Variants in LOC128462377 observed in about 807,000 individuals in gnomAD.
At chr16:89,411,506 C>T in the LOC128462377 span, among the ~76,000 whole-genome samples, 1 of 152,142 alleles carries the variant, frequency 6.6e-6, no homozygotes, top group Admixed American at 6.5e-5. Flanking sequence ...CTCTGCCTCC[C>T]GAGCTCAAGA....
the LOC128462377 span, among the ~76,000 whole-genome samples, chr16:89,337,372 A>G: frequency 0.013 from 1,812 of 142,184 alleles, 36 homozygotes; most frequent in African/African-American, 0.045. Context: ...TCAGACACTC[A>G]CAGTTTTTGT....
At chr16:89,359,675 C>T in the LOC128462377 span, among the ~76,000 whole-genome samples, 1 of 152,232 alleles carries the variant, frequency 6.6e-6, no homozygotes, top group African/African-American at 2.4e-5. Flanking sequence ...CTCTGCCTCT[C>T]CACACTGAAG....
At chr16:89,320,889 G>A in the LOC128462377 span, among the ~76,000 whole-genome samples, 1 of 152,224 alleles carries the variant, frequency 6.6e-6, no homozygotes, top group Admixed American at 6.5e-5. Context: ...CCCTGCAATG[G>A]GGCTCAAAAG....
chr16:89,364,869 C>G, the LOC128462377 span, among the ~76,000 whole-genome samples: 5 of 152,200 alleles, frequency 3.3e-5, no homozygotes, highest in Non-Finnish European at 7.3e-5. Context: ...GTTCCAACAG[C>G]CTGGCACGCA....
chr16:89,389,185 A>AT, the LOC128462377 span, among the ~76,000 whole-genome samples: 1,714 of 146,536 alleles, frequency 0.012, 36 homozygotes, highest in African/African-American at 0.038. Flanking sequence ...CGTCTGGCTA[A>AT]TTTTTTTTTT....
chr16:89,369,109 G>C, the LOC128462377 span, among the ~76,000 whole-genome samples: 2 of 152,056 alleles, frequency 1.3e-5, no homozygotes, highest in Non-Finnish European at 2.9e-5. Context: ...CCAAGCTCTG[G>C]CCTGACAATC....
At chr16:89,353,199 G>C in the LOC128462377 span, among the ~76,000 whole-genome samples, 121 of 152,048 alleles carry the variant, frequency 8.0e-4, no homozygotes, top group African/African-American at 2.8e-3. Context: ...AAAATTAGCC[G>C]TGCATGGTGG....
the LOC128462377 span, among the ~76,000 whole-genome samples, chr16:89,406,809 C>T: frequency 7.2e-5 from 11 of 152,124 alleles, no homozygotes; most frequent in East Asian, 7.7e-4. Context: ...GGGTGCCCTC[C>T]GGGAGGCAGC....
chr16:89,330,111 G>T, the LOC128462377 span, among the ~76,000 whole-genome samples: 1 of 152,170 alleles, frequency 6.6e-6, no homozygotes, highest in East Asian at 1.9e-4. Flanking sequence ...AAATATACTT[G>T]AATGACATTA....
At chr16:89,370,996 C>A in the LOC128462377 span, among the ~76,000 whole-genome samples, 1 of 152,140 alleles carries the variant, frequency 6.6e-6, no homozygotes, top group African/African-American at 2.4e-5. Flanking sequence ...CTTGCTTGAG[C>A]TCTCCTAGTT....
the LOC128462377 span, chr16:89,321,208 G>A: frequency 2.6e-5 from 4 of 152,442 alleles, no homozygotes; most frequent in African/African-American, 9.6e-5. Flanking sequence ...TGCAGAAGTG[G>A]TTACACTGAC....
chr16:89,416,860 C>T, the LOC128462377 span, among the ~76,000 whole-genome samples: 1 of 152,118 alleles, frequency 6.6e-6, no homozygotes, highest in Non-Finnish European at 1.5e-5. Flanking sequence ...CAAAGAGGCA[C>T]AGCTCAGACC....
the LOC128462377 span, among the ~76,000 whole-genome samples, chr16:89,355,507 C>T: frequency 6.6e-6 from 1 of 152,130 alleles, no homozygotes; most frequent in Non-Finnish European, 1.5e-5. Context: ...CAGGGGTGAA[C>T]GTGGCCCCAT....
At chr16:89,384,399 T>C in the LOC128462377 span, among the ~76,000 whole-genome samples, 1 of 151,908 alleles carries the variant, frequency 6.6e-6, no homozygotes, top group South Asian at 2.1e-4. Flanking sequence ...GGCGTAGTGG[T>C]GCATGGCTGT....
At chr16:89,346,744 GGGAAAT>G in the LOC128462377 span, among the ~76,000 whole-genome samples, 1 of 152,176 alleles carries the variant, frequency 6.6e-6, no homozygotes, top group African/African-American at 2.4e-5. Context: ...GGTTGTTAGA[GGGAAAT>G]GTATTTATAT....
chr16:89,361,264 G>T, the LOC128462377 span, among the ~76,000 whole-genome samples: 12 of 152,202 alleles, frequency 7.9e-5, no homozygotes, highest in African/African-American at 9.6e-5. Flanking sequence ...GCCCCAAGCA[G>T]CAGGAAACGG....
chr16:89,388,669 G>A, the LOC128462377 span, among the ~76,000 whole-genome samples: 1 of 152,176 alleles, frequency 6.6e-6, no homozygotes, highest in Admixed American at 6.5e-5. Context: ...GCGATGAGCC[G>A]GGGACCCCCT....
At chr16:89,384,604 G>T in the LOC128462377 span, among the ~76,000 whole-genome samples, 1 of 152,302 alleles carries the variant, frequency 6.6e-6, no homozygotes, top group East Asian at 1.9e-4. Context: ...ACAGAGCAGG[G>T]CAGCTTCTGC....
At chr16:89,350,790 C>T in the LOC128462377 span, among the ~76,000 whole-genome samples, 1 of 152,174 alleles carries the variant, frequency 6.6e-6, no homozygotes, top group East Asian at 1.9e-4. Flanking sequence ...ACATGATGCT[C>T]ATGTTGAGTG....
Sources: gnomAD v4.1 joint callset for allele counts (sites outside exome capture counted in the v4.1 genomes callset) on GRCh38, gnomAD v4.1.1 for gene constraint, MANE v1.5 for transcripts.